The following CEP97 variants were observed in gnomAD, a reference collection of about 807,000 sequenced individuals.
CEP97 encodes the protein centrosomal protein 97.
CEP97 carries 43 observed loss-of-function variants against 73.1 expected under a neutral mutation model. The observed-to-expected ratio is 0.59, with a 90% CI of 0.46 to 0.76. CEP97 has a LOEUF of 0.76. CEP97 is among the 30% of genes least tolerant of loss of function. The probability of loss-of-function intolerance (pLI) is 0.00; values close to 1 mark genes in which losing one functional copy is unlikely to be tolerated. For missense variants in CEP97, 939 were observed against 1,014.0 expected, an observed-to-expected ratio of 0.93 and a Z score of 1.00; for synonymous variants, 337 against 370.0, an observed-to-expected ratio of 0.91 and a Z score of 1.02.
chr3:101,762,568 C>T lies in CEP97; in HGVS notation c.1893+8C>T, dbSNP rs773024573. ...AGATTCCTTTGGAACCAGGTAAACT[C>T]CCTCCTGCTGATTTACCTCATATAT... On this transcript the variant is annotated splice_region_variant and intron_variant, in intron 10 of 10. Transcript: ENST00000341893. 3.1e-6 allele frequency: 5 copies of T among 1,596,994 alleles called. No homozygotes were observed. In the South Asian group the frequency reaches 5.6e-5, roughly 18 times the overall value.
rs147794453 is a variant in CEP97, at chr3:101,755,537, C to T, written c.836C>T (p.Thr279Ile). ...GCTACAGTCTGCCCCCTCACTTCTA[C>T]ACTAGGTCTTCAAACTGCAGAGGAT... ...YLATVCPLTS[T>I]LGLQTAEDAK... Residue 279 changes from threonine (T) to isoleucine (I), a missense_variant, in exon 7 of 11, where the codon ACA (threonine) becomes ATA (isoleucine). Thr to Ile is a moderately conservative substitution (Grantham distance 89). Coordinates refer to ENST00000341893, the MANE Select transcript of CEP97 (RefSeq NM_024548.4). 7 of 1,614,190 alleles carry T rather than the reference C, an allele frequency of 4.3e-6. No individual in the cohort carries two copies. Among genetic ancestry groups the T allele is most frequent in the Middle Eastern group, 1.6e-4 (1 of 6,062 alleles).
rs1339138307 is a variant in CEP97 at position 101,769,023 on chromosome 3, G to A, written c.*3472G>A. On this transcript the variant is annotated 3_prime_UTR_variant, in exon 11 of 11. Transcript: ENST00000341893. Reference sequence around the variant, plus strand: ...TGGAATAATGTGGGTGCCATCTTGAGCGTGTGTTTTTATCTGTTTTGGATT... The same window carrying A: ...TGGAATAATGTGGGTGCCATCTTGAACGTGTGTTTTTATCTGTTTTGGATT... 1.3e-5 allele frequency: 2 copies of A among 152,178 alleles called. No individual in the cohort carries two copies. Among genetic ancestry groups the A allele is most frequent in the African/African-American group, 2.4e-5 (1 of 41,448 alleles). 9.4% of individuals were successfully genotyped at this position (152,178 alleles called of 1,614,324 possible).
chr3:101,765,608 C>A lies in CEP97; in HGVS notation c.*57C>A. On this transcript the variant is annotated 3_prime_UTR_variant, in exon 11 of 11. Transcript: ENST00000341893. ...CTTTTCTTAAAAATACTTTCAGTTGCCTTTGCTTTTTTTTGGAGGGAAATA... is the reference window on the plus strand; with the variant it reads ...CTTTTCTTAAAAATACTTTCAGTTGACTTTGCTTTTTTTTGGAGGGAAATA... 1 of 1,452,998 alleles carries A rather than the reference C, an allele frequency of 6.9e-7. No individual in the cohort carries two copies. The highest frequency in any genetic ancestry group is 9.3e-7 in the Non-Finnish European group (1 of 1,073,832). The allele number at this position is 1,452,998 out of a possible 1,614,324, so 90.0% of individuals were successfully genotyped here.
At chr3:101,735,899 C>T (rs187727828) in intron 6 of CEP97, among the ~76,000 whole-genome samples, 10 of 152,288 alleles carry the variant, frequency 6.6e-5, no homozygotes, top group South Asian at 2.1e-4. Context: ...AGTGGTCTAG[C>T]GCAGAGGATC....
Position 101,758,170 on chromosome 3 carries a change from C to T in CEP97, c.1564C>T (p.Gln522Ter). The change falls in exon 9 of 11, where the codon CAA becomes TAA. Residue 522 changes from glutamine (Q) to a stop codon, truncating the protein, a stop_gained. Coordinates refer to ENST00000341893, the MANE Select transcript of CEP97 (RefSeq NM_024548.4). LOFTEE classifies it high-confidence loss of function. ...QSDIKKPENT[Q>*]PENKETISQA... ...AGACATAAAGAAACCAGAAAATACA[C>T]AACCAGAAAATAAAGAAACCATATC... 6.2e-7 allele frequency: 1 copy of T among 1,613,388 alleles called. No homozygotes were observed. Among genetic ancestry groups the T allele is most frequent in the South Asian group, 1.1e-5 (1 of 90,946 alleles).
intron 6 of CEP97, among the ~76,000 whole-genome samples, chr3:101,752,064 A>G (rs1407248956): frequency 6.6e-6 from 1 of 152,132 alleles, no homozygotes; most frequent in Non-Finnish European, 1.5e-5. Context: ...TGCTTCCTTC[A>G]GGACCTCTTT....
intron 9 of CEP97, among the ~76,000 whole-genome samples, chr3:101,762,103 T>C (rs1939191359): frequency 6.6e-6 from 1 of 152,190 alleles, no homozygotes; most frequent in Non-Finnish European, 1.5e-5. Flanking sequence ...CCACTCCTTT[T>C]TTGCACTTTC....
At chr3:101,740,716 A>G (rs1938424423) in intron 6 of CEP97, among the ~76,000 whole-genome samples, 2 of 151,736 alleles carry the variant, frequency 1.3e-5, no homozygotes, top group Admixed American at 6.6e-5. Context: ...CAGCCTCCCT[A>G]GTAGCTGGGA....
intron 6 of CEP97, among the ~76,000 whole-genome samples, chr3:101,754,845 T>A (rs1938959040): frequency 6.6e-6 from 1 of 152,150 alleles, no homozygotes; most frequent in South Asian, 2.1e-4. Context: ...TTCCTCTCCC[T>A]TTTGTATTTT....
intron 10 of CEP97, 105 bp downstream of exon 10, chr3:101,762,665 G>A (rs1939204153): frequency 1.3e-6 from 1 of 784,268 alleles, no homozygotes; most frequent in South Asian, 2.3e-5. Flanking sequence ...TCTTGTTCAA[G>A]GTTAAGGGTA....
At chr3:101,742,867 T>G (rs752119981) in intron 6 of CEP97, among the ~76,000 whole-genome samples, 1 of 151,728 alleles carries the variant, frequency 6.6e-6, no homozygotes, top group Non-Finnish European at 1.5e-5. Context: ...AATAAATAAA[T>G]AAAGAATTGT....
Position 101,769,860 on chromosome 3 carries a change from A to G in CEP97, c.*4309A>G, listed in dbSNP as rs1320844635. 6.6e-6 allele frequency: 1 copy of G among 152,204 alleles called. No homozygotes were observed. The highest frequency in any genetic ancestry group is 1.5e-5 in the Non-Finnish European group (1 of 68,038). 9.4% of individuals were successfully genotyped at this position (152,204 alleles called of 1,614,324 possible). ...TGTGCCATATTAAAATTAAAAGTCAAATAAACAAAGCAGTCCTCACAGCCT... is the reference window on the plus strand; with the variant it reads ...TGTGCCATATTAAAATTAAAAGTCAGATAAACAAAGCAGTCCTCACAGCCT... On this transcript the variant is annotated 3_prime_UTR_variant, in exon 11 of 11. Coordinates refer to ENST00000341893, the MANE Select transcript of CEP97 (RefSeq NM_024548.4).
At chr3:101,739,673 C>T (rs1186619941) in intron 6 of CEP97, among the ~76,000 whole-genome samples, 3 of 152,038 alleles carry the variant, frequency 2.0e-5, no homozygotes, top group Non-Finnish European at 4.4e-5. Flanking sequence ...TTTGGGAGGC[C>T]GAGGTGGGTG....
chr3:101,730,190 T>C (rs574093293), intron 4 of CEP97, among the ~76,000 whole-genome samples: 1 of 152,324 alleles, frequency 6.6e-6, no homozygotes, highest in South Asian at 2.1e-4. Flanking sequence ...CTCAAAGTGC[T>C]AGGATTACAG....
chr3:101,754,998 G>A (rs1343755425), intron 6 of CEP97, among the ~76,000 whole-genome samples: 2 of 150,658 alleles, frequency 1.3e-5, no homozygotes, highest in Non-Finnish European at 2.9e-5. Flanking sequence ...GACCTCAAGT[G>A]ATCCTCCCAC....
chr3:101,766,235 GT>G lies in CEP97; in HGVS notation c.*687del, dbSNP rs1214717528. 1.3e-5 allele frequency: 2 copies of G among 152,130 alleles called. No individual in the cohort carries two copies. Among genetic ancestry groups the G allele is most frequent in the African/African-American group, 2.4e-5 (1 of 41,422 alleles). The allele number at this position is 152,130 out of a possible 1,614,324, so 9.4% of individuals were successfully genotyped here. ...GTGTTCTATCCAGGATTAAAGTCAAGTTTACTTAGGCAACACAAGAATATTT... is the reference window on the plus strand; with the variant it reads ...GTGTTCTATCCAGGATTAAAGTCAAGTTACTTAGGCAACACAAGAATATTT... On this transcript the variant is annotated 3_prime_UTR_variant, in exon 11 of 11. Transcript: ENST00000341893.
chr3:101,746,001 C>T (rs529488565), intron 6 of CEP97, among the ~76,000 whole-genome samples: 43 of 152,086 alleles, frequency 2.8e-4, no homozygotes, highest in African/African-American at 9.9e-4. Flanking sequence ...TGAGAATATG[C>T]GGTGTTTGGT....
At chr3:101,749,067 G>A (rs905656777) in intron 6 of CEP97, among the ~76,000 whole-genome samples, 5 of 151,732 alleles carry the variant, frequency 3.3e-5, no homozygotes, top group East Asian at 1.9e-4. Context: ...ATATGTATAC[G>A]TGTGCCATGC....
chr3:101,757,770 G>T lies in CEP97; in HGVS notation c.1164G>T (p.Gln388His), dbSNP rs1331623020. ...ATGATCTGCACCTGGAAGACATACAGACGGATGAGGACAAGTTAAACTGTA... is the reference window on the plus strand; with the variant it reads ...ATGATCTGCACCTGGAAGACATACATACGGATGAGGACAAGTTAAACTGTA... ...SRNDLHLEDI[Q>H]TDEDKLNCSL... Residue 388 changes from glutamine to histidine, a missense_variant, in exon 9 of 11, where the codon CAG (glutamine) becomes CAT (histidine). Transcript: ENST00000341893. The T allele has an allele frequency of 6.2e-7, 1 of 1,614,234 alleles. No individual in the cohort carries two copies. Among genetic ancestry groups the T allele is most frequent in the South Asian group, 1.1e-5 (1 of 91,092 alleles).
Sources: allele counts gnomAD v4.1 joint callset (sites outside exome capture counted in the v4.1 genomes callset), GRCh38; gene constraint gnomAD v4.1.1; transcripts MANE v1.5; gene names NCBI Gene and HGNC (gene_info 2026-07-23, HGNC 2026-07-21).